Variants in FXYD6 observed in about 807,000 individuals in gnomAD.
The protein encoded by FXYD6 is FXYD domain-containing ion transport regulator 6.
FXYD6 carries 7 observed loss-of-function variants against 16.7 expected under a neutral mutation model. The ratio of observed to expected loss-of-function variants is 0.42; its 90% CI spans 0.24 to 0.79. The LOEUF (loss-of-function observed/expected upper bound fraction) is 0.79. FXYD6 is among the 30% of genes least tolerant of loss of function. FXYD6 has a pLI of 0.28. For synonymous variants in FXYD6, 49 were observed against 43.0 expected (o/e 1.14, Z -0.54); for missense variants, 111 against 116.2 (o/e 0.95, Z 0.21).
rs150413936 is a variant in FXYD6, at chr11:117,842,028, G to A, written c.59C>T (p.Ala20Val). Residue 20 changes from alanine (A) to valine (V), a missense_variant and splice_region_variant, in exon 3 of 8, where the codon GCA becomes GTA. Coordinates refer to ENST00000526014, the MANE Select transcript of FXYD6 (RefSeq NM_022003.4). ...GTCCATTTCCTTCTCCTTTTCAGCT[G>A]CTGCAAAAACAAACAGTTGGTCAAG... ...SLLAPMVLAS[A>V]AEKEKEMDPF... 1 of 1,614,070 alleles carries A rather than the reference G, an allele frequency of 6.2e-7. No homozygotes were observed. The highest frequency in any genetic ancestry group is 1.3e-5 in the African/African-American group (1 of 74,924).
At chr11:117,850,513 G>A (rs759313487) in intron 1 of FXYD6, among the ~76,000 whole-genome samples, 1 of 152,142 alleles carries the variant, frequency 6.6e-6, no homozygotes, top group Non-Finnish European at 1.5e-5. Context: ...CAGGCTTTCT[G>A]TATTAATTGT....
At chr11:117,850,632 G>A (rs150557085) in intron 1 of FXYD6, among the ~76,000 whole-genome samples, 10 of 151,898 alleles carry the variant, frequency 6.6e-5, no homozygotes, top group African/African-American at 1.9e-4. Context: ...TTCTTTCCTT[G>A]CCCTTTCTTT....
chr11:117,839,718 T>C (rs2056291953), intron 7 of FXYD6, 63 bp downstream of exon 7: 5 of 1,596,512 alleles, frequency 3.1e-6, no homozygotes, highest in Non-Finnish European at 3.4e-6. Flanking sequence ...CCTGAACCCC[T>C]GTCCAGGCCC....
At chr11:117,849,510 T>G (rs887732945) in intron 1 of FXYD6, among the ~76,000 whole-genome samples, 2 of 152,076 alleles carry the variant, frequency 1.3e-5, no homozygotes, top group African/African-American at 4.8e-5. Context: ...GCCTATAAAT[T>G]AACATTATCA....
intron 7 of FXYD6, chr11:117,838,869 G>C (rs757237428): frequency 6.4e-6 from 1 of 155,680 alleles, no homozygotes; most frequent in African/African-American, 2.4e-5. Flanking sequence ...CACAGTCAAA[G>C]CTGGTGCATC....
At chr11:117,841,409 T>C (rs564719114) in intron 4 of FXYD6, among the ~76,000 whole-genome samples, 1 of 152,212 alleles carries the variant, frequency 6.6e-6, no homozygotes, top group East Asian at 1.9e-4. Flanking sequence ...CTCTTGATCA[T>C]GTGAGTAAAG....
intron 1 of FXYD6, chr11:117,858,177 C>T (rs933811221): frequency 6.6e-6 from 1 of 152,322 alleles, no homozygotes; most frequent in Admixed American, 6.5e-5. Flanking sequence ...ATCCTGGTGC[C>T]CTTGGCATCC....
intron 6 of FXYD6, 159 bp downstream of exon 6, chr11:117,840,160 G>A (rs1431921799): frequency 1.1e-6 from 1 of 870,934 alleles, no homozygotes; most frequent in Non-Finnish European, 1.8e-6. Context: ...GTTTGGTGGA[G>A]TGAGGGGGCA....
chr11:117,861,513 G>T (rs1306979758), intron 1 of FXYD6, among the ~76,000 whole-genome samples: 7 of 152,240 alleles, frequency 4.6e-5, no homozygotes, highest in African/African-American at 1.7e-4. Context: ...ATTAGATGGA[G>T]TTCTGTTGCT....
chr11:117,862,683 G>C (rs561226645), intron 1 of FXYD6, among the ~76,000 whole-genome samples: 1 of 152,210 alleles, frequency 6.6e-6, no homozygotes, highest in South Asian at 2.1e-4. Context: ...GCCCCTTCAG[G>C]GTATCTCTCT....
At chr11:117,853,573 T>C (rs553342867) in intron 1 of FXYD6, among the ~76,000 whole-genome samples, 160 of 152,278 alleles carry the variant, frequency 1.1e-3, no homozygotes, top group African/African-American at 3.8e-3. Context: ...TCTCGGCTCA[T>C]TGCAACCTCT....
intron 1 of FXYD6, among the ~76,000 whole-genome samples, chr11:117,866,050 A>G (rs2057006878): frequency 6.6e-6 from 1 of 152,220 alleles, no homozygotes; most frequent in Non-Finnish European, 1.5e-5. Flanking sequence ...CAGAAGGACA[A>G]GTACTGTATG....
chr11:117,848,533 G>T (rs2056529594), intron 1 of FXYD6, among the ~76,000 whole-genome samples: 1 of 152,054 alleles, frequency 6.6e-6, no homozygotes, highest in Non-Finnish European at 1.5e-5. Context: ...TTTGGGGATG[G>T]CAGTACTGGC....
intron 1 of FXYD6, among the ~76,000 whole-genome samples, chr11:117,864,151 G>A (rs961359454): frequency 6.6e-6 from 1 of 152,122 alleles, no homozygotes; most frequent in Non-Finnish European, 1.5e-5. Flanking sequence ...AAAAAATCCT[G>A]AAAAAGAACA....
At chr11:117,845,527 GACTTACT>G (rs1179078857) in intron 1 of FXYD6, among the ~76,000 whole-genome samples, 12 of 152,116 alleles carry the variant, frequency 7.9e-5, no homozygotes, top group African/African-American at 2.9e-4. Flanking sequence ...GTGGTTCACT[GACTTACT>G]ACATTTAGCT....
At chr11:117,862,370 G>C (rs2056925929) in intron 1 of FXYD6, among the ~76,000 whole-genome samples, 1 of 152,160 alleles carries the variant, frequency 6.6e-6, no homozygotes, top group Non-Finnish European at 1.5e-5. Flanking sequence ...ACCATGCCCT[G>C]CGTGCCCCAC....
At chr11:117,875,313 T>A (rs1247625491) in intron 1 of FXYD6, among the ~76,000 whole-genome samples, 2 of 151,816 alleles carry the variant, frequency 1.3e-5, no homozygotes, top group Admixed American at 1.3e-4. Flanking sequence ...TGATGTGCAG[T>A]GTGTGTGAAG....
At chr11:117,841,058 GA>G in intron 5 of FXYD6, 89 bp downstream of exon 5, 1 of 1,538,254 alleles carries the variant, frequency 6.5e-7, no homozygotes, top group Non-Finnish European at 8.9e-7. Flanking sequence ...AAGAATCCAA[GA>G]GAATGCCCAT....
intron 1 of FXYD6, among the ~76,000 whole-genome samples, chr11:117,853,562 A>G (rs1341930717): frequency 1.3e-5 from 2 of 152,212 alleles, no homozygotes; most frequent in African/African-American, 4.8e-5. Context: ...TAGTGGCACA[A>G]TCTCGGCTCA....
Sources: allele counts gnomAD v4.1 joint callset (sites outside exome capture counted in the v4.1 genomes callset), GRCh38; gene constraint gnomAD v4.1.1; transcripts MANE v1.5; gene names NCBI Gene and HGNC (gene_info 2026-07-23, HGNC 2026-07-21).